Variants in SLC25A21 observed in about 807,000 individuals in gnomAD.
SLC25A21 encodes mitochondrial 2-oxodicarboxylate carrier.
A neutral mutation model predicts 43.8 loss-of-function variants in SLC25A21; 47 were observed. That is an observed-to-expected ratio of 1.07 (90% CI 0.85 to 1.37). SLC25A21 has a LOEUF of 1.37. Among genes scored for constraint, SLC25A21 ranks in the 40% most tolerant of loss-of-function variants. The pLI, the probability that SLC25A21 is intolerant of heterozygous loss-of-function variation, is 0.00. For missense variants in SLC25A21, 352 were observed against 350.2 expected (o/e 1.00, Z -0.04); for synonymous variants, 131 against 121.3 (o/e 1.08, Z -0.52).
rs1319952972 is a variant in SLC25A21 at position 36,679,009 on chromosome 14, T to G, written c.*1649A>C. 57 of 908,172 alleles carry G rather than the reference T, an allele frequency of 6.3e-5. No homozygotes were observed. The highest frequency in any genetic ancestry group is 6.7e-5 in the Non-Finnish European group (53 of 786,092). The allele number at this position is 908,172 out of a possible 1,614,324, so 56.3% of individuals were successfully genotyped here. ...TCTATCTCATAGATGGTAAAAGTGT[T>G]GCTTTTAAACTGGCAAATGCACTCT... On this transcript the variant is annotated 3_prime_UTR_variant, in exon 10 of 10. Transcript: ENST00000331299.
At chr14:37,064,812 C>T (rs1287757952) in intron 1 of SLC25A21, among the ~76,000 whole-genome samples, 2 of 152,152 alleles carry the variant, frequency 1.3e-5, no homozygotes, top group Non-Finnish European at 2.9e-5. Context: ...ACCTATGAGA[C>T]AGACACTGTA....
In SLC25A21 at chr14:36,764,199, A is replaced by AAAGAAAGAAAGAAAGAAAGAAACT. The variant is rs1566588491; in HGVS notation, c.204-29627_204-29626insAGTTTCTTTCTTTCTTTCTTTCTT. 1.1e-4 allele frequency among the ~76,000 whole-genome samples: 16 copies of AAAGAAAGAAAGAAAGAAAGAAACT among 147,014 alleles called. 1 individual carries two copies. The highest frequency in any genetic ancestry group is 4.0e-4 in the African/African-American group (15 of 37,470). On this transcript the variant is annotated intron_variant, in intron 3 of 9. Transcript: ENST00000331299. ...AAGAAAGAAAGAAAGAAAGAGAAAG[A>AAAGAAAGAAAGAAAGAAAGAAACT]AAGAAACTGTTAGCTTCCCAGGACA...
Position 36,703,334 on chromosome 14 carries a change from C to T in SLC25A21, c.603+7984G>A, listed in dbSNP as rs533615153. On this transcript the variant is annotated intron_variant, in intron 7 of 9. Transcript: ENST00000331299. ...CAATCATGAAACTAACACATTTCCA[C>T]ATTTCTTCTGATAAAATGAAGTGGG... is the stretch of plus-strand genomic sequence containing the variant. 2.6e-5 allele frequency among the ~76,000 whole-genome samples: 4 copies of T among 152,320 alleles called. 1 individual carries two copies. The highest frequency in any genetic ancestry group is 7.2e-5 in the African/African-American group (3 of 41,576).
rs184261257 is a variant in SLC25A21 at position 36,728,869 on chromosome 14, C to T, written c.330+638G>A. 2.1e-3 allele frequency among the ~76,000 whole-genome samples: 319 copies of T among 152,280 alleles called. 6 individuals carry two copies. The highest frequency in any genetic ancestry group is 7.3e-4 in the Non-Finnish European group (50 of 68,032). ...CTCTCTCAGGGGCTCTTGTTGCACA[C>T]ACATTTGTAGAACCCATTTGGTCAA... On this transcript the variant is annotated intron_variant, in intron 5 of 9. Transcript: ENST00000331299.
intron 1 of SLC25A21, among the ~76,000 whole-genome samples, chr14:36,977,329 ACTCTGT>A (rs1332788457): frequency 2.0e-5 from 3 of 151,870 alleles, no homozygotes; most frequent in Non-Finnish European, 2.9e-5. Flanking sequence ...AGAGAGGAGG[ACTCTGT>A]CTCATATTCT....
intron 3 of SLC25A21, among the ~76,000 whole-genome samples, chr14:36,774,243 G>A (rs914271616): frequency 1.3e-5 from 2 of 152,164 alleles, no homozygotes; most frequent in East Asian, 1.9e-4. Flanking sequence ...ATAGAAACTC[G>A]ACATTTGTAA....
In SLC25A21 at chr14:37,069,125, C is replaced by T. The variant is rs189132189; in HGVS notation, c.70+103156G>A. Among the ~76,000 whole-genome samples the T allele has an allele frequency of 2.3e-3, 350 of 151,728 alleles. 1 individual carries two copies. Among genetic ancestry groups the T allele is most frequent in the Non-Finnish European group, 4.2e-3 (287 of 67,956 alleles). On this transcript the variant is annotated intron_variant, in intron 1 of 9. Coordinates refer to ENST00000331299, the MANE Select transcript of SLC25A21 (RefSeq NM_030631.4). ...CTGGGAGGTGGAGCTTGCAGTGAGC[C>T]GAGATCATGCCACTGCACTCCAGCC...
chr14:37,036,626 C>G (rs192889590), intron 1 of SLC25A21, among the ~76,000 whole-genome samples: 5 of 152,096 alleles, frequency 3.3e-5, no homozygotes, highest in African/African-American at 1.2e-4. Context: ...ATGCCTAACC[C>G]TTTATCATAA....
At chr14:37,045,409 A>G (rs1961566575) in intron 1 of SLC25A21, among the ~76,000 whole-genome samples, 1 of 152,230 alleles carries the variant, frequency 6.6e-6, no homozygotes, top group Non-Finnish European at 1.5e-5. Context: ...GTGAGATCAC[A>G]TACAGTTGAA....
intron 1 of SLC25A21, among the ~76,000 whole-genome samples, chr14:37,028,396 T>C (rs1452177618): frequency 6.6e-6 from 1 of 152,222 alleles, no homozygotes; most frequent in Non-Finnish European, 1.5e-5. Flanking sequence ...CCATCATTAG[T>C]GTCACTTCTC....
At chr14:36,922,490 G>A (rs1892008501) in intron 1 of SLC25A21, among the ~76,000 whole-genome samples, 1 of 151,716 alleles carries the variant, frequency 6.6e-6, no homozygotes, top group Non-Finnish European at 1.5e-5. Context: ...ATAATAGAGA[G>A]GAGAAATCAG....
In SLC25A21 at chr14:36,874,941, C is replaced by T; in HGVS notation, c.119+15G>A. 1 of 1,603,972 alleles carries T rather than the reference C, an allele frequency of 6.2e-7. No individual in the cohort carries two copies. Among genetic ancestry groups the T allele is most frequent in the Non-Finnish European group, 8.5e-7 (1 of 1,175,104 alleles). On this transcript the variant is annotated intron_variant, in intron 2 of 9. Coordinates refer to ENST00000331299, the MANE Select transcript of SLC25A21 (RefSeq NM_030631.4). ...TTAGCCAAAGTCAATAAAACTTGTTCATGCAGAACCTTACCTGGTTTTCAC... is the reference window on the plus strand; with the variant it reads ...TTAGCCAAAGTCAATAAAACTTGTTTATGCAGAACCTTACCTGGTTTTCAC...
chr14:36,858,819 A>C (rs1230177541), intron 2 of SLC25A21, among the ~76,000 whole-genome samples: 1 of 152,194 alleles, frequency 6.6e-6, no homozygotes, highest in Non-Finnish European at 1.5e-5. Flanking sequence ...AAAATATAAA[A>C]CAATAGCTCT....
At chr14:37,135,349 T>C (rs535998621) in intron 1 of SLC25A21, among the ~76,000 whole-genome samples, 48 of 152,116 alleles carry the variant, frequency 3.2e-4, no homozygotes, top group African/African-American at 5.1e-4. Flanking sequence ...CAGTGAGCTA[T>C]GATTTTGCCA....
intron 1 of SLC25A21, among the ~76,000 whole-genome samples, chr14:37,045,103 T>C (rs1321212315): frequency 3.3e-5 from 5 of 152,214 alleles, no homozygotes; most frequent in Non-Finnish European, 7.3e-5. Flanking sequence ...TTAAAACCAC[T>C]TGTCAGTGAG....
intron 1 of SLC25A21, among the ~76,000 whole-genome samples, chr14:37,162,223 A>G (rs1963956679): frequency 6.6e-6 from 1 of 152,018 alleles, no homozygotes; most frequent in African/African-American, 2.4e-5. Context: ...TTGCCTGTTC[A>G]CTCTGATGGT....
chr14:36,846,395 CT>C (rs945118536), intron 2 of SLC25A21, among the ~76,000 whole-genome samples: 13 of 151,506 alleles, frequency 8.6e-5, no homozygotes, highest in South Asian at 4.2e-4. Context: ...GCAAGCCAGA[CT>C]TTTTTTTTCA....
chr14:36,934,469 T>TAAAAA (rs5807923), intron 1 of SLC25A21, among the ~76,000 whole-genome samples: 2 of 140,474 alleles, frequency 1.4e-5, no homozygotes, highest in Non-Finnish European at 1.5e-5. Flanking sequence ...ATCTTGGGAG[T>TAAAAA]AAAAAAAAAA....
At chr14:36,738,462 C>T (rs548754616) in intron 3 of SLC25A21, among the ~76,000 whole-genome samples, 1 of 152,246 alleles carries the variant, frequency 6.6e-6, no homozygotes, top group Non-Finnish European at 1.5e-5. Context: ...CCATTGTTAA[C>T]ATGCGTCATC....
Sources: allele counts gnomAD v4.1 joint callset (sites outside exome capture counted in the v4.1 genomes callset), GRCh38; gene constraint gnomAD v4.1.1; transcripts MANE v1.5; gene names NCBI Gene and HGNC (gene_info 2026-07-23, HGNC 2026-07-21).